The following AOAH variants were observed in gnomAD, a reference collection of about 807,000 sequenced individuals.
AOAH encodes the protein acyloxyacyl hydrolase, also known as acyloxyacyl hydrolase (neutrophil).
AOAH carries 64 observed loss-of-function variants against 92.2 expected under a neutral mutation model. The ratio of observed to expected loss-of-function variants is 0.69; its 90% confidence interval spans 0.57 to 0.86. The LOEUF is 0.86. AOAH is among the 40% of genes least tolerant of loss of function. AOAH has a pLI of 0.00. For missense variants in AOAH, 656 were observed against 694.6 expected, an observed-to-expected ratio of 0.94 and a Z score of 0.62; for synonymous variants, 263 against 254.5, an observed-to-expected ratio of 1.03 and a Z score of -0.32.
chr7:36,555,920 C>A (rs1375252920), intron 13 of AOAH, among the ~76,000 whole-genome samples: 2 of 152,014 alleles, frequency 1.3e-5, no homozygotes, highest in African/African-American at 2.4e-5. Context: ...TTTTGTTGAT[C>A]CTTTCAAAAA....
intron 3 of AOAH, among the ~76,000 whole-genome samples, chr7:36,664,046 CAT>C (rs1378737942): frequency 4.2e-5 from 2 of 47,924 alleles, no homozygotes; most frequent in East Asian, 9.9e-4. Flanking sequence ...ATTTTAGGTT[CAT>C]TTTTTTTTTA....
rs769043690 is a variant in AOAH, at chr7:36,659,213, T to C, written c.343A>G (p.Lys115Glu). The change falls in exon 4 of 21, where the codon AAA becomes GAA. Residue 115 changes from lysine (K) to glutamate (E), a missense_variant. Coordinates refer to ENST00000617537, the MANE Select transcript of AOAH (RefSeq NM_001637.4). ...DVVCHTLEFC[K>E]QNTGQPLCHL... ...CACAATGGTTGGCCAGTGTTCTGTT[T>C]ACAAAACTCCAGAGTGTGACATACC... 1.2e-6 allele frequency: 2 copies of C among 1,614,134 alleles called. No individual in the cohort carries two copies.
intron 7 of AOAH, among the ~76,000 whole-genome samples, chr7:36,622,848 C>A (rs1792378173): frequency 6.6e-6 from 1 of 152,002 alleles, no homozygotes; most frequent in Admixed American, 6.6e-5. Context: ...GAGTTTGAGA[C>A]CAGCCTGGCC....
In AOAH at chr7:36,614,593, C is replaced by T. The variant is rs1468129207; in HGVS notation, c.846+1787G>A. Among the ~76,000 whole-genome samples the T allele has an allele frequency of 6.6e-6, 1 of 152,196 alleles. No individual in the cohort carries two copies. The highest frequency in any genetic ancestry group is 1.9e-4 in the East Asian group (1 of 5,184). On this transcript the variant is annotated intron_variant, in intron 11 of 20. Coordinates refer to ENST00000617537, the MANE Select transcript of AOAH (RefSeq NM_001637.4). This position sits in a 1 kb window ranked among gnomAD's most constrained non-coding sequence, Gnocchi z 4.2. Reference sequence around the variant, plus strand: ...TCACTCCCCAGCCTGTCTTCTCCTTCTTGCCCTGCGACTGCTGCACCCTCC... The same window carrying T: ...TCACTCCCCAGCCTGTCTTCTCCTTTTTGCCCTGCGACTGCTGCACCCTCC...
intron 2 of AOAH, among the ~76,000 whole-genome samples, chr7:36,677,104 A>G (rs1006352270): frequency 2.6e-5 from 4 of 152,164 alleles, no homozygotes; most frequent in Admixed American, 6.5e-5. Context: ...TAAAATAACA[A>G]TAAGTTTTGC....
intron 4 of AOAH, among the ~76,000 whole-genome samples, chr7:36,646,904 C>G (rs1317483926): frequency 6.6e-6 from 1 of 152,232 alleles, no homozygotes; most frequent in Admixed American, 6.5e-5. Context: ...ATTACACCCT[C>G]AAAATTCCTT....
At chr7:36,640,268 A>G (rs1383164682) in intron 4 of AOAH, among the ~76,000 whole-genome samples, 1 of 152,220 alleles carries the variant, frequency 6.6e-6, no homozygotes, top group African/African-American at 2.4e-5. Flanking sequence ...TCCAAATTCC[A>G]GTCACAATAA....
At chr7:36,527,868 G>A (rs1240408864) in intron 19 of AOAH, among the ~76,000 whole-genome samples, 1 of 152,226 alleles carries the variant, frequency 6.6e-6, no homozygotes, top group Non-Finnish European at 1.5e-5. Context: ...TACCCACAGA[G>A]ATGGATCTGG....
At chr7:36,677,797 T>A (rs916374057) in intron 2 of AOAH, among the ~76,000 whole-genome samples, 1 of 152,204 alleles carries the variant, frequency 6.6e-6, no homozygotes, top group African/African-American at 2.4e-5. Flanking sequence ...TAATACATGC[T>A]ACAACATAGT....
At chr7:36,592,705 C>A (rs1789831632) in intron 12 of AOAH, among the ~76,000 whole-genome samples, 1 of 152,202 alleles carries the variant, frequency 6.6e-6, no homozygotes, top group South Asian at 2.1e-4. Context: ...ACTGCAAATG[C>A]AGAGAACAAT....
intron 6 of AOAH, 47 bp from the exon 7 acceptor site, chr7:36,623,297 A>G (rs1386065259): frequency 1.9e-6 from 3 of 1,556,850 alleles, no homozygotes; most frequent in South Asian, 2.2e-5. Flanking sequence ...AAAAAAAGTA[A>G]CAGTGTTGGT....
intron 3 of AOAH, among the ~76,000 whole-genome samples, chr7:36,659,838 C>T (rs1255614358): frequency 6.7e-6 from 1 of 148,476 alleles, no homozygotes; most frequent in Non-Finnish European, 1.5e-5. Context: ...ACCCCTGTGA[C>T]CTGCACATAT....
chr7:36,714,251 CAT>C (rs1469804384), intron 1 of AOAH, among the ~76,000 whole-genome samples: 1 of 152,182 alleles, frequency 6.6e-6, no homozygotes, highest in Admixed American at 6.5e-5. Context: ...TTCCTCAACA[CAT>C]ACACTCTCCC....
intron 11 of AOAH, among the ~76,000 whole-genome samples, chr7:36,604,328 T>G (rs1226568102): frequency 6.6e-6 from 1 of 152,210 alleles, no homozygotes; most frequent in Non-Finnish European, 1.5e-5. Flanking sequence ...TTATTATTAT[T>G]AATTATCGTG....
chr7:36,687,209 T>G (rs985633398), intron 1 of AOAH, among the ~76,000 whole-genome samples: 5 of 152,206 alleles, frequency 3.3e-5, no homozygotes, highest in Admixed American at 2.0e-4. Context: ...GTGGCCTTTC[T>G]GAACCTGGTT....
rs535812620 is a variant in AOAH, at chr7:36,628,618, C to G, written c.521+3418G>C. 4.1e-3 allele frequency among the ~76,000 whole-genome samples: 624 copies of G among 151,518 alleles called. 5 individuals are homozygous for G. The highest frequency in any genetic ancestry group is 0.015 in the African/African-American group (598 of 40,936). Reference sequence around the variant, plus strand: ...GGGGGCACTGAAGAGGAGCCAGGAGCACCCAGGAGGGCTGTGCAAGCGACT... The same window carrying G: ...GGGGGCACTGAAGAGGAGCCAGGAGGACCCAGGAGGGCTGTGCAAGCGACT... On this transcript the variant is annotated intron_variant, in intron 6 of 20. Transcript: ENST00000617537.
intron 4 of AOAH, among the ~76,000 whole-genome samples, chr7:36,642,481 C>T (rs1793978518): frequency 6.6e-6 from 1 of 152,154 alleles, no homozygotes; most frequent in Admixed American, 6.5e-5. Flanking sequence ...ATTTCTTGAC[C>T]TTGAACTTCA....
rs990778935 is a variant in AOAH at position 36,614,645 on chromosome 7, A to G, written c.846+1735T>C. 1.3e-5 allele frequency among the ~76,000 whole-genome samples: 2 copies of G among 152,052 alleles called. No homozygotes were observed. The highest frequency in any genetic ancestry group is 6.5e-5 in the Admixed American group (1 of 15,270). Reference sequence around the variant, plus strand: ...ACAAAGTGGCAATTAAATGGTGTCAATGGGGGAGGCCTGTGTTCCAATGTT... The same window carrying G: ...ACAAAGTGGCAATTAAATGGTGTCAGTGGGGGAGGCCTGTGTTCCAATGTT... On this transcript the variant is annotated intron_variant, in intron 11 of 20. Coordinates refer to ENST00000617537, the MANE Select transcript of AOAH (RefSeq NM_001637.4). This position sits in a 1 kb window ranked among gnomAD's most constrained non-coding sequence, Gnocchi z 4.2.
intron 1 of AOAH, among the ~76,000 whole-genome samples, chr7:36,721,845 TG>T (rs1346968457): frequency 6.6e-6 from 1 of 152,212 alleles, no homozygotes; most frequent in Non-Finnish European, 1.5e-5. Context: ...CTTTGAGCAA[TG>T]GAAGATGGCA....
Sources: gnomAD v4.1 joint callset for allele counts (sites outside exome capture counted in the v4.1 genomes callset) on GRCh38, gnomAD v4.1.1 for gene constraint, Gnocchi (gnomAD v3.1) non-coding constraint, MANE v1.5 for transcripts, NCBI Gene and HGNC (gene_info 2026-07-23, HGNC 2026-07-21) for gene names.